Variants in CDC42BPB observed in about 807,000 individuals in gnomAD.
CDC42BPB encodes the protein serine/threonine-protein kinase MRCK beta.
A neutral mutation model predicts 214.9 loss-of-function variants in CDC42BPB; 37 were observed. That is an observed-to-expected ratio of 0.17 (90% confidence interval 0.13 to 0.23). The LOEUF (loss-of-function observed/expected upper bound fraction) is 0.23, where lower values mean the gene tolerates loss of function less well. CDC42BPB is among the 10% of genes least tolerant of loss of function. The pLI, the probability that CDC42BPB is intolerant of heterozygous loss-of-function variation, is 1.00. For synonymous variants in CDC42BPB, 931 were observed against 884.0 expected (o/e 1.05, Z -0.94); for missense variants, 1,694 against 2,227.0 (o/e 0.76, Z 4.82).
Position 102,964,628 on chromosome 14 carries a change from C to T in CDC42BPB, c.2600G>A (p.Arg867His). The change falls in exon 19 of 37, where the codon CGC becomes CAC. Residue 867 changes from arginine (R) to histidine (H), a missense_variant. Coordinates refer to ENST00000361246, the MANE Select transcript of CDC42BPB (RefSeq NM_006035.4). ...RTLDPLWKVR[R>H]SQKLDMSARL... ...CGCGGACATGTCCAGCTTCTGGCTG[C>T]GGCGCACCTTCCACAGCGGGTCCTT... 6.2e-7 allele frequency: 1 copy of T among 1,613,222 alleles called. No individual in the cohort carries two copies. The highest frequency in any genetic ancestry group is 8.5e-7 in the Non-Finnish European group (1 of 1,179,504).
At chr14:103,000,711 G>A (rs888826766) in intron 4 of CDC42BPB, among the ~76,000 whole-genome samples, 1 of 152,242 alleles carries the variant, frequency 6.6e-6, no homozygotes, top group South Asian at 2.1e-4. Context: ...CAGGGACCCT[G>A]TAATATTTAT....
At chr14:103,050,442 A>T (rs775381371) in intron 1 of CDC42BPB, among the ~76,000 whole-genome samples, 2 of 152,130 alleles carry the variant, frequency 1.3e-5, no homozygotes, top group East Asian at 1.9e-4. Context: ...AGTGGGCTGG[A>T]GGGCAGGTTA....
At chr14:102,958,582 G>A (rs973632107) in intron 21 of CDC42BPB, among the ~76,000 whole-genome samples, 4 of 152,112 alleles carry the variant, frequency 2.6e-5, no homozygotes, top group African/African-American at 9.7e-5. Context: ...AGGCTGTCCT[G>A]CCTCCACGGA....
At chr14:102,989,652 C>T (rs1894401510) in intron 5 of CDC42BPB, among the ~76,000 whole-genome samples, 1 of 152,060 alleles carries the variant, frequency 6.6e-6, no homozygotes, top group South Asian at 2.1e-4. Context: ...GTGGAAGGAT[C>T]GCCTGAGGTT....
chr14:103,012,318 A>G (rs1298265393), intron 1 of CDC42BPB, 130 bp from the exon 2 acceptor site: 4 of 1,449,180 alleles, frequency 2.8e-6, no homozygotes, highest in Non-Finnish European at 1.8e-6. Flanking sequence ...AATATCTGAC[A>G]TGTTTTGGAA....
Position 102,944,181 on chromosome 14 carries a change from G to A in CDC42BPB, c.4118C>T (p.Pro1373Leu), listed in dbSNP as rs1892037422. 6.2e-7 allele frequency: 1 copy of A among 1,613,322 alleles called. No homozygotes were observed. The highest frequency in any genetic ancestry group is 8.5e-7 in the Non-Finnish European group (1 of 1,180,028). ...FHRKFNEIVA[P>L]GSVQCLAVLR... is the part of the protein sequence containing the mutation. ...CACCGCCAGGCACTGCACGCTGCCG[G>A]GAGCCACAATCTCATTGAACTTTCT... Residue 1373 changes from proline to leucine, a missense_variant, in exon 30 of 37, where the codon CCC becomes CTC. Coordinates refer to ENST00000361246, the MANE Select transcript of CDC42BPB (RefSeq NM_006035.4). The surrounding 1 kb of genome is among the most constrained non-coding windows in gnomAD (Gnocchi z 6.6).
intron 31 of CDC42BPB, 26 bp from the exon 32 acceptor site, chr14:102,940,156 G>A (rs1891826022): frequency 7.4e-6 from 12 of 1,614,058 alleles, no homozygotes; most frequent in Non-Finnish European, 1.0e-5. Context: ...GGGAGGGACA[G>A]TAAGCGCGGC....
Position 102,946,643 on chromosome 14 carries a change from C to T in CDC42BPB, c.3573G>A (p.Ser1191=), listed in dbSNP as rs757474859. ...TCTCATTTTCTGTCAGAATGAGCAG[C>T]GAGCTGGTCTTAGAAGGTGCACCTA... ...SLLGAPSKTS[S]LLILTENENE... The change falls in exon 28 of 37, where the codon TCG becomes TCA. Residue 1191 remains serine, a synonymous_variant. Coordinates refer to ENST00000361246, the MANE Select transcript of CDC42BPB (RefSeq NM_006035.4). 49 of 1,612,650 alleles carry T rather than the reference C, an allele frequency of 3.0e-5. No individual in the cohort carries two copies. The highest frequency in any genetic ancestry group is 1.0e-4 in the Admixed American group (6 of 59,990).
rs1288469270 is a variant in CDC42BPB at position 102,975,980 on chromosome 14, C to T, written c.1290G>A (p.Val430=). 1 of 1,614,252 alleles carries T rather than the reference C, an allele frequency of 6.2e-7. No homozygotes were observed. The highest frequency in any genetic ancestry group is 8.5e-7 in the Non-Finnish European group (1 of 1,180,048). The part of the protein sequence containing the change: ...QSNTLTKDED[V]QRDLEHSLQM... ...GCAGGCTGTGCTCCAGGTCCCGCTG[C>T]ACATCCTCATCTTTGGTTAATGTGT... Residue 430 remains valine (V), a synonymous_variant, in exon 10 of 37, where the codon GTG becomes GTA. Transcript: ENST00000361246.
chr14:103,036,746 C>T (rs1887687174), intron 1 of CDC42BPB, among the ~76,000 whole-genome samples: 1 of 152,210 alleles, frequency 6.6e-6, no homozygotes, highest in South Asian at 2.1e-4. Context: ...AATAGCCAAA[C>T]TAAAATCACA....
intron 21 of CDC42BPB, among the ~76,000 whole-genome samples, chr14:102,955,011 A>C (rs1032064181): frequency 1.3e-5 from 2 of 152,216 alleles, no homozygotes; most frequent in Non-Finnish European, 2.9e-5. Flanking sequence ...AGCCCTGAGC[A>C]TACCCGCCCC....
At position 102,971,902 on chromosome 14, in the gene CDC42BPB, A is replaced by G. The variant is rs1893488842; in HGVS notation, c.1884+17T>C. On this transcript the variant is annotated intron_variant, in intron 13 of 36. Transcript: ENST00000361246. Reference sequence around the variant, plus strand: ...AATGTCCAGTCGATACCATCCCTGAACCATCTCCACAGCTACCTCTTTCCT... The same window carrying G: ...AATGTCCAGTCGATACCATCCCTGAGCCATCTCCACAGCTACCTCTTTCCT... The G allele has an allele frequency of 1.9e-6, 3 of 1,612,626 alleles. No individual in the cohort carries two copies. Among genetic ancestry groups the G allele is most frequent in the Non-Finnish European group, 2.5e-6 (3 of 1,179,048 alleles).
At chr14:103,022,658 G>A (rs1224572587) in intron 1 of CDC42BPB, among the ~76,000 whole-genome samples, 1 of 152,222 alleles carries the variant, frequency 6.6e-6, no homozygotes, top group Non-Finnish European at 1.5e-5. Context: ...TGATCCAGCT[G>A]TTAGGGGGCA....
Position 102,933,675 on chromosome 14 carries a change from T to C in CDC42BPB, c.*37A>G. 7.1e-7 allele frequency: 1 copy of C among 1,408,564 alleles called. No individual in the cohort carries two copies. The highest frequency in any genetic ancestry group is 9.2e-7 in the Non-Finnish European group (1 of 1,091,404). The allele number at this position is 1,408,564 out of a possible 1,614,324, so 87.3% of individuals were successfully genotyped here. The stretch of plus-strand genomic sequence containing the variant: ...GTCTTGGCACTGACGCTGGAGGCCA[T>C]CTCCAGCTCCCTGGCCCCTGTGGCG... On this transcript the variant is annotated 3_prime_UTR_variant, in exon 37 of 37. Coordinates refer to ENST00000361246, the MANE Select transcript of CDC42BPB (RefSeq NM_006035.4).
rs779327699 is a variant in CDC42BPB at position 102,944,113 on chromosome 14, G to A, written c.4186C>T (p.Leu1396=). The change falls in exon 30 of 37, where the codon CTG becomes TTG. Residue 1396 remains leucine, a synonymous_variant. Transcript: ENST00000361246. This position sits in a 1 kb window ranked among gnomAD's most constrained non-coding sequence, Gnocchi z 6.6. The stretch of plus-strand genomic sequence containing the variant: ...TGCCCGTCCCCCTGGATGCTCAGCA[G>A]GCAGAACCCAGAAGGGTAGCCCACA... ...LCVGYPSGFC[L]LSIQGDGQPL... is the part of the protein sequence containing the mutation. The A allele has an allele frequency of 1.2e-6, 2 of 1,613,356 alleles. No homozygotes were observed. The highest frequency in any genetic ancestry group is 4.5e-5 in the East Asian group (2 of 44,880).
chr14:103,056,934 G>A, intron 1 of CDC42BPB, 65 bp downstream of exon 1: 3 of 1,171,164 alleles, frequency 2.6e-6, no homozygotes, highest in Non-Finnish European at 3.4e-6. Flanking sequence ...GCGGGCGTGG[G>A]GATGCGCGGG....
chr14:103,024,890 T>G (rs1361575194), intron 1 of CDC42BPB, among the ~76,000 whole-genome samples: 3 of 152,246 alleles, frequency 2.0e-5, no homozygotes, highest in Non-Finnish European at 4.4e-5. Context: ...AAATGTTTGG[T>G]ATTTTTAATC....
intron 1 of CDC42BPB, among the ~76,000 whole-genome samples, chr14:103,034,772 C>T (rs1161977960): frequency 6.7e-6 from 1 of 149,322 alleles, no homozygotes; most frequent in African/African-American, 2.5e-5. Flanking sequence ...GAGCTAAGAT[C>T]GTGCCACTGC....
chr14:102,967,877 T>C (rs1893288085), intron 16 of CDC42BPB, among the ~76,000 whole-genome samples: 1 of 151,822 alleles, frequency 6.6e-6, no homozygotes, highest in Non-Finnish European at 1.5e-5. Flanking sequence ...GGGTGGATCA[T>C]GAGGTCAGGA....
Sources: gnomAD v4.1 joint callset for allele counts (sites outside exome capture counted in the v4.1 genomes callset) on GRCh38, gnomAD v4.1.1 for gene constraint, Gnocchi (gnomAD v3.1) non-coding constraint, MANE v1.5 for transcripts, NCBI Gene and HGNC (gene_info 2026-07-23, HGNC 2026-07-21) for gene names.